HIVEP3: variants seen among roughly 807,000 people sequenced by gnomAD.
The protein encoded by HIVEP3 is HIVEP zinc finger 3.
In HIVEP3, 49 loss-of-function variants were observed where a neutral mutation model predicts 152.8. The ratio of observed to expected loss-of-function variants is 0.32; its 90% CI spans 0.26 to 0.41. The LOEUF (loss-of-function observed/expected upper bound fraction) is 0.41, where lower values mean the gene tolerates loss of function less well. HIVEP3 is among the 10% of genes least tolerant of loss of function. The pLI is 1.00. For missense variants in HIVEP3, 2,790 were observed against 3,103.3 expected, an observed-to-expected ratio of 0.90 and a Z score of 2.40; for synonymous variants, 1,269 against 1,289.0, an observed-to-expected ratio of 0.98 and a Z score of 0.33.
At chr1:41,621,171 G>A (rs1645041808) in intron 3 of HIVEP3, among the ~76,000 whole-genome samples, 1 of 152,182 alleles carries the variant, frequency 6.6e-6, no homozygotes, top group Non-Finnish European at 1.5e-5. Flanking sequence ...TAATACTTGT[G>A]GTGCACCCAT....
chr1:41,933,774 T>C (rs1462391802), intron 1 of HIVEP3, among the ~76,000 whole-genome samples: 1 of 152,034 alleles, frequency 6.6e-6, no homozygotes, highest in East Asian at 1.9e-4. Flanking sequence ...TTAGCCTGGT[T>C]TGGGGGTGTG....
intron 1 of HIVEP3, among the ~76,000 whole-genome samples, chr1:41,737,489 A>AGGGG (rs746331568): frequency 6.6e-6 from 1 of 152,150 alleles, no homozygotes; most frequent in East Asian, 1.9e-4. Flanking sequence ...CAAAAGGCTG[A>AGGGG]GCATACCCCT....
chr1:41,752,587 T>C (rs1283752140), intron 1 of HIVEP3, among the ~76,000 whole-genome samples: 2 of 152,212 alleles, frequency 1.3e-5, no homozygotes, highest in Non-Finnish European at 2.9e-5. Context: ...TCTCAAAGTA[T>C]GGTTCCTGAA....
intron 1 of HIVEP3, among the ~76,000 whole-genome samples, chr1:42,025,353 C>T (rs908690691): frequency 2.0e-5 from 3 of 152,140 alleles, no homozygotes; most frequent in East Asian, 1.9e-4. Context: ...ATTTCTAGTT[C>T]TGTTTAACCT....
At position 41,582,466 on chromosome 1, in the gene HIVEP3, G is replaced by A. The variant is rs747949276; in HGVS notation, c.2332C>T (p.Pro778Ser). 5.6e-6 allele frequency: 9 copies of A among 1,613,774 alleles called. No individual in the cohort carries two copies. The highest frequency in any genetic ancestry group is 1.3e-5 in the African/African-American group (1 of 75,048). ...GATTCTGAACCGGACCCTGGCTTGG[G>A]AGTCCTTGGCTGGAAGCCCGTGGGT... ...EGPTGFQPRT[P>S]KPGSGSESGK... Residue 778 changes from proline to serine, a missense_variant, in exon 4 of 9, where the codon CCC becomes TCC. Coordinates refer to ENST00000372583, the MANE Select transcript of HIVEP3 (RefSeq NM_024503.5). This position sits in a 1 kb window ranked among gnomAD's most constrained non-coding sequence, Gnocchi z 4.7.
intron 1 of HIVEP3, among the ~76,000 whole-genome samples, chr1:41,997,541 T>G (rs1645403177): frequency 6.6e-6 from 1 of 152,224 alleles, no homozygotes; most frequent in African/African-American, 2.4e-5. Context: ...AATCTTACTT[T>G]ATATTTATTC....
At position 41,934,407 on chromosome 1, in the gene HIVEP3, C is replaced by G. The variant is rs111556895; in HGVS notation, n.120-15883G>C. Among the ~76,000 whole-genome samples, 622 of 152,216 alleles carry G rather than the reference C, an allele frequency of 4.1e-3. 8 individuals carry two copies. Among genetic ancestry groups the G allele is most frequent in the African/African-American group, 0.015 (604 of 41,530 alleles). ...TACCTATCTCTTCCTCGATTTTGGG[C>G]CTACTGGGTACCCAGCAACCTTAGG... On this transcript the variant is annotated intron_variant and non_coding_transcript_variant, in intron 1 of 3. Coordinates refer to the HIVEP3 transcript ENST00000489103.
intron 2 of HIVEP3, among the ~76,000 whole-genome samples, chr1:41,695,283 G>C (rs1041623505): frequency 6.6e-6 from 1 of 152,218 alleles, no homozygotes; most frequent in Admixed American, 6.5e-5. Flanking sequence ...TGCTTGCCCA[G>C]GGGGTTGTGG....
intron 1 of HIVEP3, among the ~76,000 whole-genome samples, chr1:41,951,403 G>T (rs1429442855): frequency 6.6e-6 from 1 of 152,162 alleles, no homozygotes; most frequent in Non-Finnish European, 1.5e-5. Context: ...TATGTTTGAT[G>T]GGTGGCAGAC....
At chr1:41,616,178 T>C (rs1472593769) in intron 3 of HIVEP3, among the ~76,000 whole-genome samples, 3 of 152,054 alleles carry the variant, frequency 2.0e-5, no homozygotes, top group Non-Finnish European at 2.9e-5. Flanking sequence ...AGACAGGTCA[T>C]GGTGTCATGG....
At chr1:41,627,898 T>C (rs1055681557) in intron 3 of HIVEP3, among the ~76,000 whole-genome samples, 5 of 144,486 alleles carry the variant, frequency 3.5e-5, no homozygotes, top group African/African-American at 1.2e-4. Context: ...CTCCCTCCCT[T>C]CCTTCCTTCC....
intron 3 of HIVEP3, among the ~76,000 whole-genome samples, chr1:41,623,822 C>T (rs565466024): frequency 5.4e-4 from 83 of 152,318 alleles, no homozygotes; most frequent in African/African-American, 1.9e-3. Flanking sequence ...ATTCTCCTGG[C>T]CCCTCGGGTA....
chr1:41,805,545 C>T (rs920130134), intron 1 of HIVEP3, among the ~76,000 whole-genome samples: 1 of 152,154 alleles, frequency 6.6e-6, no homozygotes, highest in Non-Finnish European at 1.5e-5. Flanking sequence ...CTCTGCCCCT[C>T]GTTTACATGC....
intron 1 of HIVEP3, among the ~76,000 whole-genome samples, chr1:41,816,709 CAT>C (rs1651289955): frequency 6.6e-6 from 1 of 152,112 alleles, no homozygotes; most frequent in African/African-American, 2.4e-5. Flanking sequence ...AAAACAAAAA[CAT>C]AGCATCTATT....
chr1:41,557,294 G>A (rs1643981658), intron 5 of HIVEP3, among the ~76,000 whole-genome samples: 1 of 152,198 alleles, frequency 6.6e-6, no homozygotes, highest in African/African-American at 2.4e-5. Context: ...CCTGGGAGGA[G>A]GTGGCTGGAT....
intron 5 of HIVEP3, among the ~76,000 whole-genome samples, chr1:41,566,213 C>T (rs1349950701): frequency 6.6e-6 from 1 of 152,148 alleles, no homozygotes; most frequent in African/African-American, 2.4e-5. Context: ...AATAGTCATT[C>T]ACAAATGCAT....
At chr1:41,934,565 C>T (rs1645011222) in intron 1 of HIVEP3, among the ~76,000 whole-genome samples, 1 of 152,112 alleles carries the variant, frequency 6.6e-6, no homozygotes. Flanking sequence ...CTTATAGGTA[C>T]TTTTGCATCT....
chr1:41,944,017 A>G (rs974420544), intron 1 of HIVEP3, among the ~76,000 whole-genome samples: 1 of 152,258 alleles, frequency 6.6e-6, no homozygotes, highest in African/African-American at 2.4e-5. Context: ...TAAGTCAGTC[A>G]CAAAATAACA....
intron 5 of HIVEP3, among the ~76,000 whole-genome samples, chr1:41,560,587 C>G (rs1412167201): frequency 6.6e-6 from 1 of 152,182 alleles, no homozygotes; most frequent in Non-Finnish European, 1.5e-5. Context: ...GGCTGGAAAA[C>G]CTCTGGCACC....
Sources: allele counts gnomAD v4.1 joint callset (sites outside exome capture counted in the v4.1 genomes callset), GRCh38; gene constraint gnomAD v4.1.1; non-coding constraint Gnocchi (gnomAD v3.1); transcripts MANE v1.5; gene names NCBI Gene and HGNC (gene_info 2026-07-23, HGNC 2026-07-21).